Variants in DMD observed in about 807,000 individuals in gnomAD.
DMD encodes dystrophin.
In DMD, 63 loss-of-function variants were observed where a neutral mutation model predicts 330.1. The observed-to-expected ratio is 0.19, with a 90% CI of 0.16 to 0.24. The LOEUF (loss-of-function observed/expected upper bound fraction) is 0.24. Ranked by LOEUF, DMD falls within the 10% of genes least tolerant of loss-of-function variation. The probability of loss-of-function intolerance (pLI) is 1.00; values close to 1 mark genes in which losing one functional copy is unlikely to be tolerated. For synonymous variants in DMD, 1,223 were observed against 959.8 expected (o/e 1.27, Z -5.07); for missense variants, 3,344 against 2,684.1 (o/e 1.25, Z -5.43).
intron 1 of DMD, among the ~76,000 whole-genome samples, chrX:33,064,322 C>T (rs1160004923): frequency 9.0e-6 from 1 of 110,695 alleles, no homozygotes; most frequent in Non-Finnish European, 1.9e-5. Context: ...ATTATTGCGG[C>T]AACTTTCTAA....
intron 44 of DMD, among the ~76,000 whole-genome samples, chrX:32,209,360 G>A (rs1436122752): frequency 9.0e-6 from 1 of 111,083 alleles, no homozygotes; most frequent in Non-Finnish European, 1.9e-5. Context: ...AGAGGGAGTA[G>A]ATTGGGACAT....
At chrX:33,066,991 G>A (rs778834470) in intron 1 of DMD, among the ~76,000 whole-genome samples, 2 of 111,922 alleles carry the variant, frequency 1.8e-5, no homozygotes, top group South Asian at 3.7e-4. Flanking sequence ...TTCGTAGACC[G>A]ACAGCTATTC....
intron 44 of DMD, among the ~76,000 whole-genome samples, chrX:32,054,049 A>C (rs1221859604): frequency 9.6e-6 from 1 of 104,681 alleles, no homozygotes. Flanking sequence ...ATATATCCTT[A>C]ATCATATTGT....
intron 53 of DMD, among the ~76,000 whole-genome samples, chrX:31,673,241 C>G (rs1284911108): frequency 1.8e-5 from 2 of 112,149 alleles, no homozygotes; most frequent in African/African-American, 6.5e-5. Flanking sequence ...CTTAAAAAAC[C>G]TCAAACTTTG....
intron 52 of DMD, among the ~76,000 whole-genome samples, chrX:31,726,712 T>C (rs1398361020): frequency 8.9e-6 from 1 of 111,923 alleles, no homozygotes; most frequent in Non-Finnish European, 1.9e-5. Flanking sequence ...GATAAACATA[T>C]CTTGTCAGAA....
intron 47 of DMD, among the ~76,000 whole-genome samples, chrX:31,882,453 T>C (rs1480891244): frequency 2.7e-5 from 3 of 111,516 alleles, no homozygotes; most frequent in Admixed American, 1.9e-4. Flanking sequence ...AAAGAAAATA[T>C]AGAAAAAAAT....
intron 55 of DMD, among the ~76,000 whole-genome samples, chrX:31,560,880 G>A (rs1031840705): frequency 3.6e-5 from 4 of 111,829 alleles, no homozygotes; most frequent in African/African-American, 6.5e-5. Context: ...CAAAGTATAC[G>A]CTAATCACTC....
chrX:33,182,299 C>A (rs772312362), intron 1 of DMD, among the ~76,000 whole-genome samples: 33 of 111,784 alleles, frequency 3.0e-4, no homozygotes, highest in Non-Finnish European at 4.5e-4. Context: ...TAATCTTGCT[C>A]TGTTGCCCAA....
chrX:31,561,411 G>A (rs1300157455), intron 55 of DMD, among the ~76,000 whole-genome samples: 4 of 111,461 alleles, frequency 3.6e-5, no homozygotes, highest in Non-Finnish European at 7.5e-5. Context: ...CATTGGAGAG[G>A]TCCTAAGGAA....
At chrX:32,042,022 TG>T in intron 44 of DMD, among the ~76,000 whole-genome samples, 1 of 52,403 alleles carries the variant, frequency 1.9e-5, no homozygotes, top group Admixed American at 2.5e-4. Context: ...TCTCTCTCTC[TG>T]TTCATATATA....
At chrX:31,937,094 T>C (rs2094934019) in intron 45 of DMD, among the ~76,000 whole-genome samples, 1 of 111,560 alleles carries the variant, frequency 9.0e-6, no homozygotes, top group Admixed American at 9.6e-5. Context: ...TCGCTGAAAA[T>C]TTTTAAATGG....
intron 65 of DMD, 51 bp downstream of exon 65, chrX:31,209,447 C>A (rs1033451075): frequency 8.7e-7 from 1 of 1,143,882 alleles, no homozygotes; most frequent in African/African-American, 1.8e-5. Context: ...CCATTCTGTA[C>A]GCTAAGCCTC....
intron 13 of DMD, among the ~76,000 whole-genome samples, chrX:32,591,699 C>T (rs1020088607): frequency 8.9e-6 from 1 of 112,208 alleles, no homozygotes; most frequent in African/African-American, 3.2e-5. Flanking sequence ...GGGCCAGGAA[C>T]AAGCAGGAGC....
chrX:31,955,815 A>G (rs1331017780), intron 45 of DMD, among the ~76,000 whole-genome samples: 10 of 112,169 alleles, frequency 8.9e-5, no homozygotes, highest in Non-Finnish European at 1.9e-4. Context: ...GCTTTGAGAC[A>G]TAGAAGAGGA....
intron 5 of DMD, among the ~76,000 whole-genome samples, chrX:32,820,066 AAG>A (rs759091033): frequency 9.0e-6 from 1 of 111,654 alleles, no homozygotes; most frequent in African/African-American, 3.2e-5. Flanking sequence ...AACAGGCTAT[AAG>A]AGAGGTCTCA....
chrX:32,714,545 ATTATCT>A (rs770837955), intron 7 of DMD, among the ~76,000 whole-genome samples: 172 of 111,525 alleles, frequency 1.5e-3, no homozygotes, highest in African/African-American at 5.4e-3. Flanking sequence ...TACACACCAC[ATTATCT>A]TTATCTACTC....
chrX:31,134,593 T>C (rs1047086715), intron 76 of DMD, among the ~76,000 whole-genome samples: 3 of 110,846 alleles, frequency 2.7e-5, no homozygotes, highest in Non-Finnish European at 5.7e-5. Context: ...CAGCTAATTT[T>C]TGTATTTTTA....
intron 55 of DMD, among the ~76,000 whole-genome samples, chrX:31,601,895 C>G (rs965689202): frequency 9.0e-6 from 1 of 110,964 alleles, no homozygotes; most frequent in African/African-American, 3.3e-5. Context: ...AAAAAAGCAT[C>G]AAGGCACTGT....
Position 31,508,206 on chromosome X carries a change from A to G in DMD, c.8218-753T>C. 8.3e-7 allele frequency: 1 copy of G among 1,198,350 alleles called. No homozygotes were observed. Among genetic ancestry groups the G allele is most frequent in the Non-Finnish European group, 1.1e-6 (1 of 884,953 alleles). On this transcript the variant is annotated intron_variant, in intron 55 of 78. Coordinates refer to ENST00000357033, the MANE Select transcript of DMD (RefSeq NM_004006.3). ...AAAATTATTATAGTAGAAGAATCTG[A>G]CCTTTACATGGTATGTCTTCCTGTG...
Sources: allele counts gnomAD v4.1 joint callset (sites outside exome capture counted in the v4.1 genomes callset), GRCh38; gene constraint gnomAD v4.1.1; transcripts MANE v1.5; gene names NCBI Gene and HGNC (gene_info 2026-07-23, HGNC 2026-07-21).